The following RYR2 variants were observed in gnomAD, a reference collection of about 807,000 sequenced individuals.
The protein encoded by RYR2 is cardiac muscle ryanodine receptor-calcium release channel.
Under a neutral mutation model 601.1 loss-of-function variants are expected in RYR2, and 227 were observed. That is an observed-to-expected ratio of 0.38 (90% CI 0.34 to 0.42). The LOEUF is 0.42. Ranked by LOEUF, RYR2 falls within the 10% of genes least tolerant of loss-of-function variation. The probability of loss-of-function intolerance (pLI) is 1.00; values close to 1 mark genes in which losing one functional copy is unlikely to be tolerated. For synonymous variants in RYR2, 2,223 were observed against 2,175.1 expected, an observed-to-expected ratio of 1.02 and a Z score of -0.61; for missense variants, 4,646 against 6,156.5, an observed-to-expected ratio of 0.75 and a Z score of 8.21.
intron 37 of RYR2, among the ~76,000 whole-genome samples, chr1:237,616,462 C>G (rs1678481437): frequency 6.6e-6 from 1 of 152,158 alleles, no homozygotes; most frequent in Non-Finnish European, 1.5e-5. Flanking sequence ...GTTCAATGAT[C>G]TCATCCATAA....
At chr1:237,270,747 C>T (rs1689604457) in intron 2 of RYR2, 131 bp downstream of exon 2, 1 of 1,050,658 alleles carries the variant, frequency 9.5e-7, no homozygotes. Flanking sequence ...CAATGTTTTC[C>T]ATCTCCATTT....
At chr1:237,316,588 C>T (rs1695139430) in intron 2 of RYR2, among the ~76,000 whole-genome samples, 1 of 152,204 alleles carries the variant, frequency 6.6e-6, no homozygotes, top group Non-Finnish European at 1.5e-5. Context: ...TTCCTTACGT[C>T]AGCTGATGGC....
chr1:237,605,497 C>G (rs1035954627), intron 35 of RYR2, among the ~76,000 whole-genome samples: 4 of 152,274 alleles, frequency 2.6e-5, no homozygotes, highest in African/African-American at 9.6e-5. Flanking sequence ...GAAGCATTCC[C>G]TTTGAAAACT....
chr1:237,617,404 A>G lies in RYR2; in HGVS notation c.5834A>G (p.Asn1945Ser), dbSNP rs1404649981. 1.2e-6 allele frequency: 2 copies of G among 1,614,042 alleles called. No homozygotes were observed. The highest frequency in any genetic ancestry group is 1.7e-6 in the Non-Finnish European group (2 of 1,179,900). The part of the protein sequence containing the change: ...KLQDNQRFRY[N>S]EVMQALNMSA... ...CAAGACAATCAACGTTTCCGATACA[A>G]CGAAGTCATGCAAGCCTTAAACATG... is the stretch of plus-strand genomic sequence containing the variant. The change falls in exon 38 of 105, where the codon AAC becomes AGC. Residue 1945 changes from asparagine (N) to serine (S), a missense_variant. By Grantham distance (46) the Asn-to-Ser change is conservative. Transcript: ENST00000366574.
intron 1 of RYR2, among the ~76,000 whole-genome samples, chr1:237,245,918 A>G (rs755438776): frequency 2.0e-4 from 30 of 151,892 alleles, no homozygotes; most frequent in Non-Finnish European, 3.4e-4. Flanking sequence ...AGTAGCTGGC[A>G]TTACAGGTTC....
chr1:237,414,976 C>T (rs1027841133), intron 10 of RYR2, among the ~76,000 whole-genome samples: 1 of 120,032 alleles, frequency 8.3e-6, no homozygotes, highest in East Asian at 3.4e-4. Context: ...CCCAAAGGGA[C>T]ATCTGACAAT....
In RYR2 at chr1:237,614,043, G is replaced by A. The variant is rs1477625488; in HGVS notation, c.4915G>A (p.Val1639Ile). ...SLHIPEENRS[V>I]DILELTEQEE... ...CCACTCTCCTCCCTTCTACAGATCT[G>A]TTGACATCTTAGAGTTGACAGAGCA... Residue 1639 changes from valine (V) to isoleucine (I), a missense_variant, in exon 37 of 105, where the codon GTT becomes ATT. Physicochemically the swap from Val to Ile is conservative, Grantham distance 29. Around this residue, in one of 17 missense-constraint regions of RYR2, gnomAD observed 1,807 missense variants for 2,088.1 expected, o/e 0.87. Coordinates refer to ENST00000366574, the MANE Select transcript of RYR2 (RefSeq NM_001035.3). The surrounding 1 kb of genome is among the most constrained non-coding windows in gnomAD (Gnocchi z 4.3). The A allele has an allele frequency of 1.2e-6, 2 of 1,611,748 alleles. No homozygotes were observed.
rs151206101 is a variant in RYR2 at position 237,750,222 on chromosome 1, A to G, written c.11146-6066A>G. ...GTATCCCACCTTTTCCTAGTTTAGT[A>G]TTTAAAGAATCATGGAACTATACAT... is the stretch of plus-strand genomic sequence containing the variant. On this transcript the variant is annotated intron_variant, in intron 80 of 104. Transcript: ENST00000366574. Among the ~76,000 whole-genome samples, 5 of 152,262 alleles carry G rather than the reference A, an allele frequency of 3.3e-5. No individual in the cohort carries two copies. In the East Asian group the frequency reaches 7.7e-4, roughly 24 times the overall value.
intron 10 of RYR2, among the ~76,000 whole-genome samples, chr1:237,404,639 T>G (rs1703697627): frequency 6.6e-6 from 1 of 152,208 alleles, no homozygotes; most frequent in Admixed American, 6.5e-5. Flanking sequence ...ACTGGGTATA[T>G]GACGGACTTC....
At chr1:237,393,095 T>C (rs1024749802) in intron 10 of RYR2, among the ~76,000 whole-genome samples, 2 of 152,136 alleles carry the variant, frequency 1.3e-5, no homozygotes, top group Admixed American at 6.6e-5. Context: ...AGAGTGTTCA[T>C]GTGTGTGGTA....
chr1:237,216,766 CAAAA>C (rs1264905220), intron 1 of RYR2, among the ~76,000 whole-genome samples: 13 of 144,964 alleles, frequency 9.0e-5, no homozygotes, highest in Admixed American at 5.5e-4. Context: ...AAAAAAAAAA[CAAAA>C]AACAAAACAA....
chr1:237,643,364 G>A lies in RYR2; in HGVS notation c.7259G>A (p.Arg2420Lys). 1 of 1,613,614 alleles carries A rather than the reference G, an allele frequency of 6.2e-7. No homozygotes were observed. Among genetic ancestry groups the A allele is most frequent in the Non-Finnish European group, 8.5e-7 (1 of 1,179,716 alleles). The change falls in exon 48 of 105, where the codon AGG becomes AAG. Residue 2420 changes from arginine to lysine, a missense_variant. Arg to Lys is a conservative substitution (Grantham distance 26). Around this residue, in one of 17 missense-constraint regions of RYR2, gnomAD observed 1,497 missense variants for 1,842.6 expected, o/e 0.81. Transcript: ENST00000366574. The part of the protein sequence containing the change: ...HAGKGEAIRI[R>K]SILRSLIPLG... ...GGGAAGGGAGAAGCCATCAGAATTA[G>A]GTCCATTTTGAGATCCCTCATTCCC...
rs1558296819 is a variant in RYR2 at position 237,726,301 on chromosome 1, A to G, written c.10718A>G (p.Tyr3573Cys). Residue 3573 changes from tyrosine (Y) to cysteine (C), a missense_variant, in exon 75 of 105, where the codon TAC becomes TGC. This residue lies in a region of RYR2 where 1,497 missense variants were observed against 1,842.6 expected (regional missense o/e 0.81). Coordinates refer to ENST00000366574, the MANE Select transcript of RYR2 (RefSeq NM_001035.3). ...TCTAAACGTGTGGGTCGGAGACATTACTGTCTGGGAAGTACAGTGCTCAAT... is the reference window on the plus strand; with the variant it reads ...TCTAAACGTGTGGGTCGGAGACATTGCTGTCTGGGAAGTACAGTGCTCAAT... ...QKSKRVGRRHYCLVEHPQRSK... is the reference protein window; with the variant it reads ...QKSKRVGRRHCCLVEHPQRSK... The G allele has an allele frequency of 6.3e-7, 1 of 1,588,282 alleles. No homozygotes were observed. Among genetic ancestry groups the G allele is most frequent in the Non-Finnish European group, 8.6e-7 (1 of 1,162,448 alleles).
intron 13 of RYR2, among the ~76,000 whole-genome samples, chr1:237,443,563 G>A (rs1572353640): frequency 6.6e-6 from 1 of 152,130 alleles, no homozygotes; most frequent in East Asian, 1.9e-4. Flanking sequence ...CTTGACCATA[G>A]TGTATGATTC....
At chr1:237,464,182 A>C (rs114051693) in intron 16 of RYR2, among the ~76,000 whole-genome samples, 2,126 of 152,192 alleles carry the variant, frequency 0.014, 27 homozygotes, top group Non-Finnish European at 0.021. Flanking sequence ...TCTTGCTCCA[A>C]ATTCCAGGTT....
chr1:237,498,019 T>C (rs1664256162), intron 20 of RYR2, among the ~76,000 whole-genome samples: 1 of 152,058 alleles, frequency 6.6e-6, no homozygotes, highest in African/African-American at 2.4e-5. Context: ...TGCACCACCA[T>C]GCCCGGCTAA....
chr1:237,099,371 G>A (rs1244876299), intron 1 of RYR2, among the ~76,000 whole-genome samples: 1 of 152,002 alleles, frequency 6.6e-6, no homozygotes, highest in East Asian at 1.9e-4. Context: ...CCAAGTAGCT[G>A]GGACCATAAG....
intron 1 of RYR2, among the ~76,000 whole-genome samples, chr1:237,267,179 A>G (rs1282312746): frequency 1.3e-5 from 2 of 152,298 alleles, no homozygotes; most frequent in Non-Finnish European, 1.5e-5. Context: ...ACTGTTAAAG[A>G]TTGTCTTCAA....
At chr1:237,205,461 G>A (rs920744856) in intron 1 of RYR2, among the ~76,000 whole-genome samples, 24 of 152,132 alleles carry the variant, frequency 1.6e-4, no homozygotes, top group Non-Finnish European at 1.2e-4. Flanking sequence ...TGGGGGATCC[G>A]AGCCTGCAGT....
Sources: allele counts gnomAD v4.1 joint callset (sites outside exome capture counted in the v4.1 genomes callset), GRCh38; gene constraint gnomAD v4.1.1; regional missense constraint gnomAD v4.1.1; non-coding constraint Gnocchi (gnomAD v3.1); transcripts MANE v1.5; gene names NCBI Gene and HGNC (gene_info 2026-07-23, HGNC 2026-07-21).